NEK1: variants seen among roughly 807,000 people sequenced by gnomAD.
NEK1 encodes the protein serine/threonine-protein kinase Nek1.
NEK1 carries 137 observed loss-of-function variants against 182.1 expected under a neutral mutation model. The observed-to-expected ratio is 0.75, with a 90% confidence interval of 0.65 to 0.87. The LOEUF (loss-of-function observed/expected upper bound fraction) is 0.87. Among genes scored for constraint, NEK1 ranks in the 40% least tolerant of loss-of-function variants. The pLI is 0.00. For synonymous variants in NEK1, 513 were observed against 492.2 expected (o/e 1.04, Z -0.56); for missense variants, 1,391 against 1,494.4 (o/e 0.93, Z 1.14).
Position 169,477,303 on chromosome 4 carries a change from T to C in NEK1, c.2255A>G (p.Glu752Gly), listed in dbSNP as rs34099167. The change falls in exon 26 of 36, where the codon GAA becomes GGA. Residue 752 changes from glutamate to glycine, a missense_variant. By Grantham distance (98) the Glu-to-Gly change is moderately conservative. This residue lies in a region of NEK1 where 1,216 missense variants were observed against 1,277.6 expected (regional missense o/e 0.95). Coordinates refer to ENST00000507142, the MANE Select transcript of NEK1 (RefSeq NM_001199397.3). ...GAGATTCTGCTTTCCTTTTTCATCT[T>C]CTTGAGCTTTAAGATTTTCATTTAA... ...RRLNENLKAQ[E>G]DEKGKQNLSD... 0.11 allele frequency: 166,639 copies of C among 1,586,382 alleles called. 9,137 individuals carry two copies. The highest frequency in any genetic ancestry group is 0.15 in the East Asian group (6,808 of 44,042).
intron 11 of NEK1, among the ~76,000 whole-genome samples, chr4:169,578,037 A>C (rs1002569432): frequency 5.9e-5 from 9 of 152,150 alleles, no homozygotes; most frequent in African/African-American, 2.2e-4. Context: ...AGCAATCTAT[A>C]TTAAGAATAT....
At chr4:169,588,998 C>T (rs1204661736) in intron 7 of NEK1, among the ~76,000 whole-genome samples, 1 of 152,170 alleles carries the variant, frequency 6.6e-6, no homozygotes, top group African/African-American at 2.4e-5. Flanking sequence ...TAGGTCTTCA[C>T]ATTCACTCAC....
intron 27 of NEK1, among the ~76,000 whole-genome samples, chr4:169,439,672 T>G (rs7667282): frequency 0.29 from 44,132 of 151,846 alleles, 9,068 homozygotes; most frequent in African/African-American, 0.59. Flanking sequence ...AAATATAGGA[T>G]AAAAATCTAT....
At chr4:169,428,906 T>C (rs1326980455) in intron 29 of NEK1, among the ~76,000 whole-genome samples, 1 of 152,210 alleles carries the variant, frequency 6.6e-6, no homozygotes, top group African/African-American at 2.4e-5. Context: ...ATCAATGTTT[T>C]AGACATCTTT....
intron 31 of NEK1, among the ~76,000 whole-genome samples, chr4:169,412,305 C>T (rs886402661): frequency 1.3e-5 from 2 of 152,162 alleles, no homozygotes; most frequent in Admixed American, 6.5e-5. Context: ...GAGAAGAATA[C>T]AAGACTGTAT....
chr4:169,603,514 T>C lies in NEK1; in HGVS notation c.-48-836A>G, dbSNP rs565356535. Among the ~76,000 whole-genome samples, 183 of 152,278 alleles carry C rather than the reference T, an allele frequency of 1.2e-3. 3 individuals are homozygous for C. Among genetic ancestry groups the C allele is most frequent in the Admixed American group, 5.8e-3 (89 of 15,288 alleles). On this transcript the variant is annotated intron_variant, in intron 2 of 35. Transcript: ENST00000507142. ...AAAATGTGAATAACCATAGTACATA[T>C]TTACAGAAGTGTTGGAAGAATTAGT...
At chr4:169,456,823 A>G (rs1393851166) in intron 27 of NEK1, among the ~76,000 whole-genome samples, 2 of 152,186 alleles carry the variant, frequency 1.3e-5, no homozygotes, top group Admixed American at 1.3e-4. Flanking sequence ...GTCCATCAAC[A>G]GTTGAATGGA....
chr4:169,536,772 A>C (rs191759716), intron 19 of NEK1, among the ~76,000 whole-genome samples: 13 of 152,314 alleles, frequency 8.5e-5, no homozygotes, highest in Non-Finnish European at 1.5e-4. Flanking sequence ...TTTTAAGTAA[A>C]AATCTATAAC....
At chr4:169,539,684 A>G in intron 18 of NEK1, among the ~76,000 whole-genome samples, 1 of 152,164 alleles carries the variant, frequency 6.6e-6, no homozygotes, top group Non-Finnish European at 1.5e-5. Flanking sequence ...AGGAAGGCAG[A>G]TGAACCTTCA....
intron 26 of NEK1, among the ~76,000 whole-genome samples, chr4:169,473,352 G>C (rs1034835780): frequency 1.3e-5 from 2 of 151,846 alleles, no homozygotes; most frequent in Non-Finnish European, 2.9e-5. Context: ...GACTCCAAAA[G>C]GGGAGAGGCT....
At chr4:169,528,178 C>T (rs1157802684) in intron 19 of NEK1, among the ~76,000 whole-genome samples, 1 of 152,106 alleles carries the variant, frequency 6.6e-6, no homozygotes, top group Non-Finnish European at 1.5e-5. Flanking sequence ...CTGTGATTTG[C>T]TTTTAACCAA....
intron 23 of NEK1, among the ~76,000 whole-genome samples, chr4:169,502,962 T>G (rs976384937): frequency 6.6e-6 from 1 of 151,932 alleles, no homozygotes; most frequent in Non-Finnish European, 1.5e-5. Flanking sequence ...GACAATTTAA[T>G]TCTGTACCTG....
At chr4:169,426,262 AAC>A (rs1561166563) in intron 29 of NEK1, 28 bp from the exon 30 acceptor site, 3 of 1,566,344 alleles carry the variant, frequency 1.9e-6, no homozygotes, top group East Asian at 2.2e-5. Flanking sequence ...ACCAATTAAA[AAC>A]ACACACACTT....
Position 169,538,027 on chromosome 4 carries a change from A to C in NEK1, c.1563-116T>G, listed in dbSNP as rs554437469. 4 of 630,532 alleles carry C rather than the reference A, an allele frequency of 6.3e-6. No individual in the cohort carries two copies. The East Asian group carries it at 8.0e-5, about 13-fold the overall frequency. The allele number at this position is 630,532 out of a possible 1,614,324, so 39.1% of individuals were successfully genotyped here. A position where few individuals can be genotyped will look rare whatever the true frequency, so the allele number is the denominator to read the frequency against. ...TTCAGAATATGAAGGCTGATGAAAC[A>C]CTATCTCTGTAATGAAGAAATCACT... On this transcript the variant is annotated intron_variant, in intron 18 of 35. Coordinates refer to ENST00000507142, the MANE Select transcript of NEK1 (RefSeq NM_001199397.3).
chr4:169,551,797 GA>G (rs534950359), intron 18 of NEK1, among the ~76,000 whole-genome samples: 169 of 144,312 alleles, frequency 1.2e-3, no homozygotes, highest in African/African-American at 3.9e-3. Context: ...AGTAAAACAA[GA>G]AAAAAAAAAG....
At chr4:169,481,563 G>A (rs976499645) in intron 23 of NEK1, among the ~76,000 whole-genome samples, 2 of 152,128 alleles carry the variant, frequency 1.3e-5, no homozygotes, top group Non-Finnish European at 2.9e-5. Flanking sequence ...GTAACTAGGT[G>A]CCTTGTCAAT....
intron 5 of NEK1, among the ~76,000 whole-genome samples, chr4:169,596,353 T>TA (rs1233099716): frequency 1.3e-5 from 2 of 152,200 alleles, no homozygotes; most frequent in African/African-American, 4.8e-5. Context: ...GGACCAACCC[T>TA]AATGAAGCCA....
At chr4:169,608,691 A>T (rs1771801250) in intron 2 of NEK1, among the ~76,000 whole-genome samples, 1 of 152,230 alleles carries the variant, frequency 6.6e-6, no homozygotes, top group African/African-American at 2.4e-5. Context: ...AAGGATATGA[A>T]GTTAAACGTT....
chr4:169,400,637 C>A lies in NEK1; in HGVS notation c.3598G>T (p.Glu1200Ter). ...EEWHSDNSDG[E>*]IASECECDSV... Reference sequence around the variant, plus strand: ...TCGCATTCACATTCACTAGCAATTTCACCATCACTGTTATCTAAAAAACAA... The same window carrying A: ...TCGCATTCACATTCACTAGCAATTTAACCATCACTGTTATCTAAAAAACAA... Residue 1200 changes from glutamate (E) to a stop codon, truncating the protein, a stop_gained, in exon 34 of 36, where the codon GAA (glutamate) becomes TAA (stop). Coordinates refer to ENST00000507142, the MANE Select transcript of NEK1 (RefSeq NM_001199397.3). LOFTEE classifies it high-confidence loss of function. The A allele has an allele frequency of 6.3e-7, 1 of 1,591,212 alleles. No individual in the cohort carries two copies. Among genetic ancestry groups the A allele is most frequent in the Non-Finnish European group, 8.6e-7 (1 of 1,167,994 alleles).
Sources: gnomAD v4.1 joint callset for allele counts (sites outside exome capture counted in the v4.1 genomes callset) on GRCh38, gnomAD v4.1.1 for gene constraint, gnomAD v4.1.1 regional missense constraint, MANE v1.5 for transcripts, NCBI Gene and HGNC (gene_info 2026-07-23, HGNC 2026-07-21) for gene names.